The following CYP2B6 variants were observed in gnomAD, a reference collection of about 807,000 sequenced individuals.
CYP2B6 encodes cytochrome P450 2B6.
In CYP2B6, 35 loss-of-function variants were observed where a neutral mutation model predicts 43.4. The ratio of observed to expected loss-of-function variants is 0.81; its 90% CI spans 0.62 to 1.07. The LOEUF (loss-of-function observed/expected upper bound fraction) is 1.07, where lower values mean the gene tolerates loss of function less well. Ranked by LOEUF, CYP2B6 falls within the 50% of genes least tolerant of loss-of-function variation. The probability of loss-of-function intolerance (pLI) is 0.00; values close to 1 mark genes in which losing one functional copy is unlikely to be tolerated. For missense variants in CYP2B6, 624 were observed against 632.8 expected, an observed-to-expected ratio of 0.99 and a Z score of 0.15; for synonymous variants, 239 against 239.2, an observed-to-expected ratio of 1.00 and a Z score of 0.01.
chr19:40,996,993 G>A (rs1201398287), intron 1 of CYP2B6, among the ~76,000 whole-genome samples: 1 of 152,068 alleles, frequency 6.6e-6, no homozygotes, highest in Non-Finnish European at 1.5e-5. Context: ...GCATGAAGAG[G>A]TGTCTGGGTA....
intron 5 of CYP2B6, chr19:41,009,683 G>C: frequency 1.7e-6 from 1 of 601,490 alleles, no homozygotes; most frequent in Non-Finnish European, 2.9e-6. Flanking sequence ...GAAGGAATTC[G>C]GGGCAAGGGA....
rs7246465 is a variant in CYP2B6, at chr19:41,017,398, T to C, written c.*571T>C. The C allele has an allele frequency of 0.68, 103,386 of 152,038 alleles. 35,674 individuals carry two copies. Among genetic ancestry groups the C allele is most frequent in the Middle Eastern group, 0.81 (238 of 294 alleles). 9.4% of individuals were successfully genotyped at this position (152,038 alleles called of 1,614,324 possible). On this transcript the variant is annotated 3_prime_UTR_variant, in exon 9 of 9. Transcript: ENST00000324071. ...GAAATTCACATAACATAAAATTAGC[T>C]GTTTTAAAGTGTAAAATTTAGTGGC... is the stretch of plus-strand genomic sequence containing the variant.
intron 6 of CYP2B6, 69 bp from the exon 7 acceptor site, chr19:41,012,229 C>T (rs1969295342): frequency 6.8e-7 from 1 of 1,481,358 alleles, no homozygotes; most frequent in Admixed American, 1.7e-5. Context: ...GGATTACAGG[C>T]ATGAGCCACC....
At chr19:40,996,289 A>G (rs1236555363) in intron 1 of CYP2B6, among the ~76,000 whole-genome samples, 1 of 152,146 alleles carries the variant, frequency 6.6e-6, no homozygotes, top group South Asian at 2.1e-4. Context: ...TGATTTCATT[A>G]ATTCCTTCTT....
chr19:41,016,765 C>T lies in CYP2B6; in HGVS notation c.1414C>T (p.Pro472Ser), dbSNP rs147410578. Residue 472 changes from proline to serine, a missense_variant, in exon 9 of 9, where the codon CCC becomes TCC. Physicochemically the swap from Pro to Ser is moderately conservative, Grantham distance 74. Coordinates refer to ENST00000324071, the MANE Select transcript of CYP2B6 (RefSeq NM_000767.5). ...PVAPEDIDLT[P>S]QECGVGKIPP... ...GGCCCCAGAAGACATCGATCTGACACCCCAGGAGTGTGGTGTGGGCAAAAT... is the reference window on the plus strand; with the variant it reads ...GGCCCCAGAAGACATCGATCTGACATCCCAGGAGTGTGGTGTGGGCAAAAT... The T allele has an allele frequency of 3.5e-5, 56 of 1,614,068 alleles. No individual in the cohort carries two copies. Among genetic ancestry groups the T allele is most frequent in the Non-Finnish European group, 4.2e-5 (50 of 1,180,030 alleles).
chr19:41,004,961 C>T (rs1969153664), intron 3 of CYP2B6, among the ~76,000 whole-genome samples: 1 of 152,070 alleles, frequency 6.6e-6, no homozygotes, highest in Non-Finnish European at 1.5e-5. Flanking sequence ...TGTACCACTG[C>T]ACTCCAGCCT....
At position 41,017,349 on chromosome 19, in the gene CYP2B6, A is replaced by G. The variant is rs7260525; in HGVS notation, c.*522A>G. 0.13 allele frequency: 19,432 copies of G among 152,188 alleles called. 1,565 individuals are homozygous for G. Among genetic ancestry groups the G allele is most frequent in the East Asian group, 0.29 (1,499 of 5,176 alleles). The allele number at this position is 152,188 out of a possible 1,614,324, so 9.4% of individuals were successfully genotyped here. ...TGAGTCACCGTGCCCAGCCATGTATATATATAATTTTAAAAATTAAGCTGA... is the reference window on the plus strand; with the variant it reads ...TGAGTCACCGTGCCCAGCCATGTATGTATATAATTTTAAAAATTAAGCTGA... On this transcript the variant is annotated 3_prime_UTR_variant, in exon 9 of 9. Transcript: ENST00000324071.
At chr19:40,996,325 A>C (rs1280549557) in intron 1 of CYP2B6, among the ~76,000 whole-genome samples, 1 of 152,162 alleles carries the variant, frequency 6.6e-6, no homozygotes, top group Admixed American at 6.5e-5. Flanking sequence ...CTGTTTTACC[A>C]CTTGTCTAGT....
chr19:41,000,394 C>T (rs1268241345), intron 1 of CYP2B6, among the ~76,000 whole-genome samples: 1 of 152,110 alleles, frequency 6.6e-6, no homozygotes, highest in African/African-American at 2.4e-5. Flanking sequence ...AATATGTGAA[C>T]AGGAACAAAT....
chr19:41,016,348 C>T (rs1457956443), intron 8 of CYP2B6, among the ~76,000 whole-genome samples: 164 of 132,104 alleles, frequency 1.2e-3, no homozygotes, highest in African/African-American at 4.4e-3. Flanking sequence ...TGCAGTGAGC[C>T]AAGATGGTGC....
chr19:41,011,913 G>T (rs1408109601), intron 6 of CYP2B6, among the ~76,000 whole-genome samples: 2 of 152,130 alleles, frequency 1.3e-5, no homozygotes, highest in African/African-American at 4.8e-5. Flanking sequence ...TTGGTCAATA[G>T]AAAGTAGTGT....
intron 1 of CYP2B6, 75 bp downstream of exon 1, chr19:40,991,551 A>G (rs1968920773): frequency 1.9e-6 from 3 of 1,541,746 alleles, no homozygotes; most frequent in Non-Finnish European, 2.7e-6. Flanking sequence ...CACCAAACAG[A>G]ATGAGGCAGA....
chr19:41,003,114 C>T (rs1452295136), intron 1 of CYP2B6, among the ~76,000 whole-genome samples: 5 of 151,936 alleles, frequency 3.3e-5, no homozygotes, highest in African/African-American at 4.8e-5. Context: ...TGGGCATGTA[C>T]CTGGGAGTGA....
intron 4 of CYP2B6, among the ~76,000 whole-genome samples, chr19:41,008,920 T>G (rs1969235470): frequency 6.7e-6 from 1 of 149,296 alleles, no homozygotes; most frequent in African/African-American, 2.5e-5. Context: ...CAGGCTGAGG[T>G]AGACAATGGG....
chr19:41,002,307 A>ATT (rs1969104393), intron 1 of CYP2B6, among the ~76,000 whole-genome samples: 1 of 152,152 alleles, frequency 6.6e-6, no homozygotes, highest in African/African-American at 2.4e-5. Context: ...AATGCAGGGC[A>ATT]TTTGTAAGTA....
chr19:41,011,684 G>A (rs1161305397), intron 6 of CYP2B6, among the ~76,000 whole-genome samples: 2 of 152,134 alleles, frequency 1.3e-5, no homozygotes, highest in African/African-American at 4.8e-5. Context: ...GGTGTTTTGA[G>A]AGGTTTGTAG....
chr19:41,007,174 AAG>A, intron 4 of CYP2B6, 109 bp downstream of exon 4: 1 of 1,107,034 alleles, frequency 9.0e-7, no homozygotes, highest in Non-Finnish European at 1.4e-6. Flanking sequence ...TTATCCTTGG[AAG>A]AAACGCAGAC....
chr19:41,015,841 C>G (rs3786551), intron 8 of CYP2B6, among the ~76,000 whole-genome samples: 29,466 of 134,058 alleles, frequency 0.22, 4,600 homozygotes, highest in East Asian at 0.38. Flanking sequence ...AAACCTTAAG[C>G]CTCCTTAGCA....
In CYP2B6 at chr19:41,000,141, T is replaced by C. The variant is rs149210713; in HGVS notation, c.172-3860T>C. Among the ~76,000 whole-genome samples, 337 of 152,246 alleles carry C rather than the reference T, an allele frequency of 2.2e-3. 2 individuals carry two copies. Among genetic ancestry groups the C allele is most frequent in the African/African-American group, 8.0e-3 (330 of 41,484 alleles). ...CAAGAACGGTGTCTGCTCCTCATTA[T>C]TGGGGTTCCTTAGCTATTCAGGCAG... On this transcript the variant is annotated intron_variant, in intron 1 of 8. Coordinates refer to ENST00000324071, the MANE Select transcript of CYP2B6 (RefSeq NM_000767.5).
Sources: allele counts gnomAD v4.1 joint callset (sites outside exome capture counted in the v4.1 genomes callset), GRCh38; gene constraint gnomAD v4.1.1; transcripts MANE v1.5; gene names NCBI Gene and HGNC (gene_info 2026-07-23, HGNC 2026-07-21).